The following OPCML variants were observed in gnomAD, a reference collection of about 807,000 sequenced individuals.
OPCML encodes opioid-binding protein/cell adhesion molecule.
In OPCML, 13 loss-of-function variants were observed where a neutral mutation model predicts 37.8. The ratio of observed to expected loss-of-function variants is 0.34; its 90% CI spans 0.22 to 0.55. OPCML has a LOEUF of 0.55. Among genes scored for constraint, OPCML ranks in the 20% least tolerant of loss-of-function variants. The probability of loss-of-function intolerance (pLI) is 0.91; values close to 1 mark genes in which losing one functional copy is unlikely to be tolerated. For missense variants in OPCML, 341 were observed against 435.6 expected, an observed-to-expected ratio of 0.78 and a Z score of 1.93; for synonymous variants, 176 against 168.8, an observed-to-expected ratio of 1.04 and a Z score of -0.33.
At chr11:132,894,904 G>T (rs2136474079) in intron 2 of OPCML, among the ~76,000 whole-genome samples, 1 of 152,304 alleles carries the variant, frequency 6.6e-6, no homozygotes, top group African/African-American at 2.4e-5. Context: ...GTAGATGGCT[G>T]TCACAGGACT....
intron 2 of OPCML, among the ~76,000 whole-genome samples, chr11:132,766,184 T>C (rs1477809941): frequency 7.9e-5 from 12 of 152,042 alleles, no homozygotes; most frequent in Non-Finnish European, 1.5e-5. Flanking sequence ...TAAGGAATGA[T>C]GGCATCAGGG....
intron 2 of OPCML, among the ~76,000 whole-genome samples, chr11:132,735,447 C>T (rs1194507765): frequency 6.6e-6 from 1 of 152,172 alleles, no homozygotes; most frequent in African/African-American, 2.4e-5. Context: ...CTCAGTAATA[C>T]TCACAAGGGA....
chr11:132,784,593 C>A lies in OPCML; in HGVS notation c.147-127274G>T, dbSNP rs548313321. Among the ~76,000 whole-genome samples, 9 of 152,236 alleles carry A rather than the reference C, an allele frequency of 5.9e-5. No individual in the cohort carries two copies. In the South Asian group the frequency reaches 1.9e-3, roughly 32 times the overall value. On this transcript the variant is annotated intron_variant, in intron 2 of 7. Transcript: ENST00000524381. ...TATGGTTCGAATGCTTTGTCCCCCC[C>A]ACCCCAATCTTATGTTGAAATGTGA...
chr11:133,416,548 A>G (rs1297833007), intron 1 of OPCML, among the ~76,000 whole-genome samples: 1 of 151,952 alleles, frequency 6.6e-6, no homozygotes, highest in Non-Finnish European at 1.5e-5. Flanking sequence ...CTGTTGTTTT[A>G]GCATCTGTCA....
chr11:133,475,379 C>T (rs538325599), intron 1 of OPCML, among the ~76,000 whole-genome samples: 1 of 152,226 alleles, frequency 6.6e-6, no homozygotes, highest in African/African-American at 2.4e-5. Context: ...CCTCTCTTTT[C>T]ACCTTTCTCC....
At chr11:132,975,719 A>G (rs1010345943) in intron 1 of OPCML, among the ~76,000 whole-genome samples, 4 of 151,948 alleles carry the variant, frequency 2.6e-5, no homozygotes, top group African/African-American at 4.8e-5. Flanking sequence ...TGCATCCCCT[A>G]TGCCAAGATC....
At chr11:133,025,558 C>T (rs985273044) in intron 1 of OPCML, 14 of 678,776 alleles carry the variant, frequency 2.1e-5, no homozygotes, top group Non-Finnish European at 2.4e-5. Flanking sequence ...AAGAGTGGTT[C>T]GTTTGGGTAT....
At chr11:132,424,061 T>C (rs1006761106) in intron 7 of OPCML, among the ~76,000 whole-genome samples, 2 of 152,208 alleles carry the variant, frequency 1.3e-5, no homozygotes, top group Admixed American at 6.5e-5. Context: ...TTGTATTTAT[T>C]CATTTATTGG....
intron 1 of OPCML, among the ~76,000 whole-genome samples, chr11:133,491,823 G>A (rs1313130069): frequency 1.3e-5 from 2 of 152,146 alleles, no homozygotes; most frequent in East Asian, 3.9e-4. Context: ...AAATGCCAGG[G>A]GGAACATGAG....
intron 1 of OPCML, among the ~76,000 whole-genome samples, chr11:133,357,510 C>A (rs1055217931): frequency 3.9e-5 from 6 of 152,220 alleles, no homozygotes; most frequent in Admixed American, 3.9e-4. Flanking sequence ...GAAGACACTG[C>A]TGAATTTGCT....
intron 1 of OPCML, among the ~76,000 whole-genome samples, chr11:133,290,924 T>C (rs1160566015): frequency 6.6e-6 from 1 of 152,206 alleles, no homozygotes; most frequent in Non-Finnish European, 1.5e-5. Context: ...GCCACTTGAA[T>C]TGTGCTAAGT....
At position 132,843,457 on chromosome 11, in the gene OPCML, C is replaced by T. The variant is rs188462759; in HGVS notation, c.146+99469G>A. On this transcript the variant is annotated intron_variant, in intron 2 of 7. Transcript: ENST00000524381. ...TTCTACCAGCAAGATTCTGATGCAA[C>T]GGTTCTAGAAAAGGGTACTTTGGAA... Among the ~76,000 whole-genome samples, 30 of 152,106 alleles carry T rather than the reference C, an allele frequency of 2.0e-4. No homozygotes were observed. The East Asian group carries it at 5.2e-3, about 27-fold the overall frequency.
At chr11:132,791,594 A>G (rs2136180076) in intron 2 of OPCML, among the ~76,000 whole-genome samples, 1 of 152,246 alleles carries the variant, frequency 6.6e-6, no homozygotes, top group African/African-American at 2.4e-5. Context: ...TGACATAAAG[A>G]GCCAAATCCC....
chr11:132,899,689 C>T (rs948435497), intron 2 of OPCML, among the ~76,000 whole-genome samples: 1 of 151,720 alleles, frequency 6.6e-6, no homozygotes, highest in Non-Finnish European at 1.5e-5. Context: ...TGGGGTGTGT[C>T]TGTAGGGGAT....
chr11:133,071,087 T>A (rs1948525017), intron 1 of OPCML, among the ~76,000 whole-genome samples: 1 of 152,204 alleles, frequency 6.6e-6, no homozygotes, highest in Non-Finnish European at 1.5e-5. Flanking sequence ...TGTTCTTAAA[T>A]ATAACCAGAT....
chr11:133,460,656 T>C lies in OPCML; in HGVS notation c.61+71608A>G, dbSNP rs137977370. ...ACTGAATCACGAAGAAATAAAAAAT[T>C]TGAATAGACCTATAACTAATAAGGA... On this transcript the variant is annotated intron_variant, in intron 1 of 7. Coordinates refer to ENST00000524381, the MANE Select transcript of OPCML (RefSeq NM_001012393.5). Among the ~76,000 whole-genome samples, 13 of 151,932 alleles carry C rather than the reference T, an allele frequency of 8.6e-5. No homozygotes were observed. The East Asian group carries it at 2.5e-3, about 29-fold the overall frequency.
intron 3 of OPCML, among the ~76,000 whole-genome samples, chr11:132,655,580 C>T (rs981880470): frequency 2.5e-4 from 38 of 152,344 alleles, no homozygotes; most frequent in Non-Finnish European, 4.4e-4. Flanking sequence ...CGTGTGTGAA[C>T]GCCTGAAAGC....
At chr11:133,236,722 T>C (rs1184516695) in intron 1 of OPCML, among the ~76,000 whole-genome samples, 1 of 152,268 alleles carries the variant, frequency 6.6e-6, no homozygotes, top group Non-Finnish European at 1.5e-5. Flanking sequence ...CCTGTTCCTC[T>C]TCCTTATTTA....
At chr11:133,404,390 C>T (rs901093087) in intron 1 of OPCML, among the ~76,000 whole-genome samples, 1 of 152,236 alleles carries the variant, frequency 6.6e-6, no homozygotes, top group Non-Finnish European at 1.5e-5. Flanking sequence ...TATGCTAGAA[C>T]TCTTCAGGAT....
Sources: allele counts gnomAD v4.1 joint callset (sites outside exome capture counted in the v4.1 genomes callset), GRCh38; gene constraint gnomAD v4.1.1; transcripts MANE v1.5; gene names NCBI Gene and HGNC (gene_info 2026-07-23, HGNC 2026-07-21).